ABI2: variants seen among roughly 807,000 people sequenced by gnomAD.
The protein encoded by ABI2 is abl interactor 2.
A neutral mutation model predicts 59.2 loss-of-function variants in ABI2; 25 were observed. That is an observed-to-expected ratio of 0.42 (90% CI 0.31 to 0.59). ABI2 has a LOEUF of 0.59. ABI2 is among the 20% of genes least tolerant of loss of function. ABI2 has a pLI of 0.14. For missense variants in ABI2, 545 were observed against 681.8 expected, an observed-to-expected ratio of 0.80 and a Z score of 2.23; for synonymous variants, 213 against 235.5, an observed-to-expected ratio of 0.90 and a Z score of 0.87.
chr2:203,380,499 G>A (rs1386672609), intron 3 of ABI2, 115 bp downstream of exon 3: 11 of 617,448 alleles, frequency 1.8e-5, no homozygotes, highest in Non-Finnish European at 1.5e-5. Context: ...TCTTGGCCCA[G>A]TTGTGGTTGT....
chr2:203,410,798 G>A (rs761931050), intron 9 of ABI2, among the ~76,000 whole-genome samples: 5 of 152,064 alleles, frequency 3.3e-5, no homozygotes, highest in Non-Finnish European at 5.9e-5. Flanking sequence ...TATCCATTTA[G>A]AGTGTTGGGA....
intron 1 of ABI2, among the ~76,000 whole-genome samples, chr2:203,349,496 C>T (rs1427254966): frequency 2.6e-5 from 4 of 152,090 alleles, no homozygotes; most frequent in Non-Finnish European, 4.4e-5. Context: ...CCTCTGCCTC[C>T]CACGTTCAAG....
At chr2:203,418,688 C>T (rs2098030064) in intron 11 of ABI2, among the ~76,000 whole-genome samples, 1 of 152,196 alleles carries the variant, frequency 6.6e-6, no homozygotes, top group African/African-American at 2.4e-5. Context: ...GTCATTTTTG[C>T]CATTTTCTGT....
At chr2:203,417,178 A>G in intron 11 of ABI2, 97 bp downstream of exon 11, 7 of 1,114,288 alleles carry the variant, frequency 6.3e-6, no homozygotes, top group Non-Finnish European at 8.6e-6. Context: ...TACTAAGTGA[A>G]GTTCTATTTA....
intron 4 of ABI2, among the ~76,000 whole-genome samples, chr2:203,385,152 T>TTTTTA (rs71007511): frequency 1.9e-5 from 1 of 51,840 alleles, no homozygotes; most frequent in Non-Finnish European, 5.6e-5. Flanking sequence ...TTTTTTTTTT[T>TTTTTA]GAGACAGTCT....
rs144783753 is a variant in ABI2, at chr2:203,375,927, C to T, written c.286-4281C>T. ...TTCTAAAGGCATGTTTTCTTCTGCC[C>T]ACAGGCAATACTGCAGTTCAACCCC... is the stretch of plus-strand genomic sequence containing the variant. On this transcript the variant is annotated intron_variant, in intron 2 of 11. Transcript: ENST00000261018. 1.5e-4 allele frequency: 89 copies of T among 574,548 alleles called. No individual in the cohort carries two copies. In the African/African-American group the frequency reaches 1.6e-3, roughly 10 times the overall value. 35.6% of individuals were successfully genotyped at this position (574,548 alleles called of 1,614,324 possible). A position where few individuals can be genotyped will look rare whatever the true frequency, so the allele number is the denominator to read the frequency against.
Position 203,396,885 on chromosome 2 carries a change from C to T in ABI2, c.951C>T (p.Asp317=), listed in dbSNP as rs528066296. ...PATVPSSTAP[D]AAAGGAQTLA... ...CTGTCCCTTCCTCCACTGCCCCAGA[C>T]GCTGCTGCTGGGGGTGCCCAGACCC... The change falls in exon 8 of 12, where the codon GAC becomes GAT. Residue 317 remains aspartate, a synonymous_variant. Coordinates refer to ENST00000261018, the MANE Select transcript of ABI2 (RefSeq NM_001375670.1). The T allele has an allele frequency of 1.1e-4, 171 of 1,534,528 alleles. 2 individuals are homozygous for T. The highest frequency in any genetic ancestry group is 5.8e-4 in the South Asian group (49 of 83,780).
chr2:203,342,338 C>A, intron 1 of ABI2: 1 of 376,260 alleles, frequency 2.7e-6, no homozygotes, highest in Non-Finnish European at 5.2e-6. Context: ...TAATATGGGA[C>A]TGTTTTTTTG....
At chr2:203,375,055 G>C (rs72940144) in intron 2 of ABI2, among the ~76,000 whole-genome samples, 3 of 152,314 alleles carry the variant, frequency 2.0e-5, no homozygotes, top group Non-Finnish European at 4.4e-5. Context: ...ATTATCTCAA[G>C]GCCATAAGAG....
At chr2:203,395,837 G>A (rs569710193) in intron 7 of ABI2, 57 bp downstream of exon 7, 9 of 1,488,664 alleles carry the variant, frequency 6.0e-6, no homozygotes, top group Middle Eastern at 1.8e-4. Context: ...GATTCAATTT[G>A]TGATTTAATT....
At chr2:203,349,384 T>G (rs2086128499) in intron 1 of ABI2, among the ~76,000 whole-genome samples, 1 of 152,134 alleles carries the variant, frequency 6.6e-6, no homozygotes. Context: ...CCATTAACAT[T>G]TTGCCATGTT....
chr2:203,332,645 T>C (rs1224552174), intron 1 of ABI2, among the ~76,000 whole-genome samples: 1 of 152,116 alleles, frequency 6.6e-6, no homozygotes, highest in East Asian at 1.9e-4. Context: ...AAATTACACA[T>C]ATAATGCCTA....
chr2:203,403,751 T>G (rs1014971176), intron 9 of ABI2, among the ~76,000 whole-genome samples: 3 of 144,768 alleles, frequency 2.1e-5, no homozygotes, highest in South Asian at 4.5e-4. Flanking sequence ...TGTTTTTTTT[T>G]TTTTTTTTTT....
intron 1 of ABI2, among the ~76,000 whole-genome samples, chr2:203,351,987 C>G (rs1426125165): frequency 6.6e-6 from 1 of 152,182 alleles, no homozygotes; most frequent in Admixed American, 6.5e-5. Flanking sequence ...AATGTTGTAG[C>G]ACAATGCATT....
intron 8 of ABI2, among the ~76,000 whole-genome samples, chr2:203,400,631 A>C (rs2097181108): frequency 6.6e-6 from 1 of 152,168 alleles, no homozygotes; most frequent in African/African-American, 2.4e-5. Context: ...TGAGTGCTTA[A>C]GTTTTTGATA....
intron 1 of ABI2, among the ~76,000 whole-genome samples, chr2:203,350,422 T>C (rs2087104633): frequency 6.6e-6 from 1 of 151,792 alleles, no homozygotes; most frequent in South Asian, 2.1e-4. Flanking sequence ...GATCATAAGC[T>C]CACTGTAATC....
intron 9 of ABI2, among the ~76,000 whole-genome samples, chr2:203,407,659 G>C (rs1163304294): frequency 1.3e-5 from 2 of 152,116 alleles, no homozygotes; most frequent in Non-Finnish European, 2.9e-5. Flanking sequence ...AAACATTCTT[G>C]TATATTGTGA....
chr2:203,378,173 C>T (rs568083638), intron 2 of ABI2, among the ~76,000 whole-genome samples: 2 of 150,882 alleles, frequency 1.3e-5, no homozygotes, highest in Admixed American at 6.6e-5. Flanking sequence ...AGTGCAGTGG[C>T]ACAATCTCGG....
chr2:203,406,800 A>G (rs1177382271), intron 9 of ABI2, among the ~76,000 whole-genome samples: 1 of 152,108 alleles, frequency 6.6e-6, no homozygotes, highest in Non-Finnish European at 1.5e-5. Flanking sequence ...AGTAGTTGGA[A>G]CTACAGGTGT....
Sources: allele counts gnomAD v4.1 joint callset (sites outside exome capture counted in the v4.1 genomes callset), GRCh38; gene constraint gnomAD v4.1.1; transcripts MANE v1.5; gene names NCBI Gene and HGNC (gene_info 2026-07-23, HGNC 2026-07-21).